KCNQ5: variants seen among roughly 807,000 people sequenced by gnomAD.
KCNQ5 encodes the protein potassium voltage-gated channel subfamily KQT member 5.
In KCNQ5, 30 loss-of-function variants were observed where a neutral mutation model predicts 98.2. The ratio of observed to expected loss-of-function variants is 0.31; its 90% CI spans 0.23 to 0.41. KCNQ5 has a LOEUF of 0.41. Ranked by LOEUF, KCNQ5 falls within the 10% of genes least tolerant of loss-of-function variation. KCNQ5 has a pLI of 1.00. For synonymous variants in KCNQ5, 458 were observed against 449.4 expected (o/e 1.02, Z -0.24); for missense variants, 835 against 1,182.5 (o/e 0.71, Z 4.31).
At chr6:72,640,118 G>A (rs1294577594) in intron 1 of KCNQ5, among the ~76,000 whole-genome samples, 1 of 152,106 alleles carries the variant, frequency 6.6e-6, no homozygotes, top group Non-Finnish European at 1.5e-5. Context: ...TAACAGTAGT[G>A]TGCAGGGTAA....
chr6:73,103,462 AC>A (rs1774874198), intron 5 of KCNQ5, among the ~76,000 whole-genome samples: 1 of 104,500 alleles, frequency 9.6e-6, no homozygotes, highest in South Asian at 2.8e-4. Context: ...AGGATGGGGA[AC>A]ATCACATACT....
chr6:73,072,465 A>G (rs1458400111), intron 3 of KCNQ5, among the ~76,000 whole-genome samples: 1 of 152,192 alleles, frequency 6.6e-6, no homozygotes, highest in Non-Finnish European at 1.5e-5. Context: ...CTCTAACCCA[A>G]TCCTTGAGTT....
chr6:73,024,505 T>A (rs1323609401), intron 2 of KCNQ5, among the ~76,000 whole-genome samples: 1 of 151,122 alleles, frequency 6.6e-6, no homozygotes, highest in Non-Finnish European at 1.5e-5. Context: ...CTTGGGAAAA[T>A]CTCCAAGAAA....
intron 5 of KCNQ5, 135 bp downstream of exon 5, chr6:73,078,022 A>G (rs913563056): frequency 5.9e-6 from 4 of 679,386 alleles, no homozygotes; most frequent in Non-Finnish European, 9.0e-6. Context: ...AATAAATACT[A>G]CTTATTATTG....
At chr6:73,111,749 G>A (rs1775250180) in intron 7 of KCNQ5, among the ~76,000 whole-genome samples, 1 of 152,214 alleles carries the variant, frequency 6.6e-6, no homozygotes, top group South Asian at 2.1e-4. Flanking sequence ...AAGTGATGGA[G>A]CAGAACAGGG....
At chr6:73,159,905 T>C (rs1304295603) in intron 10 of KCNQ5, among the ~76,000 whole-genome samples, 1 of 152,212 alleles carries the variant, frequency 6.6e-6, no homozygotes, top group Admixed American at 6.5e-5. Flanking sequence ...AGCTGCCAGC[T>C]CTCTCCTTTA....
At chr6:73,073,607 T>C (rs1010144390) in intron 3 of KCNQ5, among the ~76,000 whole-genome samples, 3 of 152,226 alleles carry the variant, frequency 2.0e-5, no homozygotes, top group African/African-American at 7.2e-5. Flanking sequence ...ACTTGATCAA[T>C]AATTGTGATG....
intron 1 of KCNQ5, among the ~76,000 whole-genome samples, chr6:72,988,298 G>A (rs992423026): frequency 1.1e-4 from 17 of 152,142 alleles, no homozygotes; most frequent in Admixed American, 2.6e-4. Context: ...AAATGCCCTG[G>A]GATCACCCAA....
chr6:72,759,260 A>G (rs1772130556), intron 1 of KCNQ5, among the ~76,000 whole-genome samples: 1 of 152,166 alleles, frequency 6.6e-6, no homozygotes, highest in Admixed American at 6.6e-5. Context: ...CTGATCCATA[A>G]ATTTTTGGAG....
intron 2 of KCNQ5, among the ~76,000 whole-genome samples, chr6:73,036,785 T>G: frequency 6.6e-6 from 1 of 152,188 alleles, no homozygotes; most frequent in East Asian, 1.9e-4. Flanking sequence ...GTCTGGTCAT[T>G]ATGAATACTT....
intron 1 of KCNQ5, among the ~76,000 whole-genome samples, chr6:72,895,299 A>T (rs1779207388): frequency 6.6e-6 from 1 of 151,060 alleles, no homozygotes; most frequent in Non-Finnish European, 1.5e-5. Context: ...AAAAAAAAAA[A>T]AAAGAAAAAA....
intron 1 of KCNQ5, among the ~76,000 whole-genome samples, chr6:72,924,772 A>G (rs963453877): frequency 6.6e-6 from 1 of 152,200 alleles, no homozygotes; most frequent in African/African-American, 2.4e-5. Context: ...ATCTTGGGAT[A>G]TGGAATTTTT....
chr6:72,764,446 A>G lies in KCNQ5; in HGVS notation c.398+141859A>G, dbSNP rs1437762812. 2.6e-5 allele frequency among the ~76,000 whole-genome samples: 4 copies of G among 151,884 alleles called. No individual in the cohort carries two copies. In the East Asian group the frequency reaches 7.7e-4, roughly 29 times the overall value. On this transcript the variant is annotated intron_variant, in intron 1 of 13. Transcript: ENST00000370398. The stretch of plus-strand genomic sequence containing the variant: ...TTGAACAAGGAAAGCACAATCCCTG[A>G]TCCCTTTTTTATTTTTCTTCTATTT...
intron 3 of KCNQ5, among the ~76,000 whole-genome samples, chr6:73,046,367 A>T (rs1406249219): frequency 3.3e-5 from 5 of 152,156 alleles, no homozygotes; most frequent in African/African-American, 4.8e-5. Context: ...CCCTCAGTGC[A>T]TGTAGATTCC....
At chr6:73,056,464 G>C (rs57873383) in intron 3 of KCNQ5, among the ~76,000 whole-genome samples, 5 of 151,974 alleles carry the variant, frequency 3.3e-5, no homozygotes, top group Admixed American at 1.3e-4. Flanking sequence ...AGGGTTTCTC[G>C]TGGTGGTTGA....
intron 1 of KCNQ5, among the ~76,000 whole-genome samples, chr6:72,743,113 T>C (rs1771212539): frequency 6.6e-6 from 1 of 152,190 alleles, no homozygotes; most frequent in South Asian, 2.1e-4. Context: ...TTAACCATTT[T>C]AGGTGTATTT....
intron 1 of KCNQ5, among the ~76,000 whole-genome samples, chr6:72,696,076 C>T (rs969141869): frequency 2.6e-5 from 4 of 151,994 alleles, no homozygotes; most frequent in African/African-American, 4.8e-5. Context: ...TTGGAAAAAA[C>T]AAGTAAATTT....
At chr6:72,662,780 A>G (rs2154472968) in intron 1 of KCNQ5, among the ~76,000 whole-genome samples, 1 of 152,320 alleles carries the variant, frequency 6.6e-6, no homozygotes, top group East Asian at 1.9e-4. Context: ...CCTAATTATT[A>G]GTAAGAGAAA....
At position 73,194,835 on chromosome 6, in the gene KCNQ5, C is replaced by T; in HGVS notation, c.2220C>T (p.Pro740=). The part of the protein sequence containing the change: ...NTIANQINTA[P]KPAAPTTLQI... Reference sequence around the variant, plus strand: ...TTGCAAACCAAATAAATACGGCACCCAAGCCAGCAGCCCCAACAACTTTAC... The same window carrying T: ...TTGCAAACCAAATAAATACGGCACCTAAGCCAGCAGCCCCAACAACTTTAC... Residue 740 remains proline (P), a synonymous_variant, in exon 14 of 14, where the codon CCC becomes CCT. Transcript: ENST00000370398. 1 of 1,614,144 alleles carries T rather than the reference C, an allele frequency of 6.2e-7. No homozygotes were observed. Among genetic ancestry groups the T allele is most frequent in the Non-Finnish European group, 8.5e-7 (1 of 1,180,024 alleles).
Sources: gnomAD v4.1 joint callset for allele counts (sites outside exome capture counted in the v4.1 genomes callset) on GRCh38, gnomAD v4.1.1 for gene constraint, MANE v1.5 for transcripts, NCBI Gene and HGNC (gene_info 2026-07-23, HGNC 2026-07-21) for gene names.